AAK1: variants seen among roughly 807,000 people sequenced by gnomAD.
AAK1 encodes AP2 associated kinase 1.
A neutral mutation model predicts 116.0 loss-of-function variants in AAK1; 37 were observed. The ratio of observed to expected loss-of-function variants is 0.32; its 90% CI spans 0.25 to 0.42. AAK1 has a LOEUF of 0.42. AAK1 is among the 10% of genes least tolerant of loss of function. The pLI, the probability that AAK1 is intolerant of heterozygous loss-of-function variation, is 1.00. For missense variants in AAK1, 919 were observed against 1,170.6 expected, an observed-to-expected ratio of 0.79 and a Z score of 3.14; for synonymous variants, 458 against 439.9, an observed-to-expected ratio of 1.04 and a Z score of -0.51.
chr2:69,546,688 C>G lies in AAK1; in HGVS notation c.283-2144G>C, dbSNP rs574006839. ...TATGGTTTGAAGGCTTGTGTCCCCT[C>G]CAAAATTCATGTTAAAACTTAAATC... is the stretch of plus-strand genomic sequence containing the variant. On this transcript the variant is annotated intron_variant, in intron 3 of 21. Coordinates refer to ENST00000409085, the MANE Select transcript of AAK1 (RefSeq NM_014911.5). 1.6e-4 allele frequency among the ~76,000 whole-genome samples: 24 copies of G among 152,286 alleles called. No individual in the cohort carries two copies. The South Asian group carries it at 4.8e-3, about 30-fold the overall frequency.
rs1260795826 is a variant in AAK1 at position 69,472,031 on chromosome 2, A to G, written c.*3838T>C. On this transcript the variant is annotated 3_prime_UTR_variant, in exon 22 of 22. Coordinates refer to ENST00000409085, the MANE Select transcript of AAK1 (RefSeq NM_014911.5). The stretch of plus-strand genomic sequence containing the variant: ...AGTCCAATATCAAATAACACTGAAC[A>G]AAGTGACAACTTCTTTCAGAGGTGT... 6.1e-6 allele frequency: 6 copies of G among 985,274 alleles called. No individual in the cohort carries two copies. The highest frequency in any genetic ancestry group is 7.2e-6 in the Non-Finnish European group (6 of 829,888). The allele number at this position is 985,274 out of a possible 1,614,324, so 61.0% of individuals were successfully genotyped here. A position where few individuals can be genotyped will look rare whatever the true frequency, so the allele number is the denominator to read the frequency against.
intron 2 of AAK1, among the ~76,000 whole-genome samples, chr2:69,611,888 C>T (rs1440769993): frequency 1.3e-5 from 2 of 152,144 alleles, no homozygotes; most frequent in East Asian, 3.8e-4. Flanking sequence ...GTGAAATAAG[C>T]CACTCACAAA....
intron 1 of AAK1, 62 bp downstream of exon 1, chr2:69,643,513 T>C: frequency 8.2e-7 from 1 of 1,223,946 alleles, no homozygotes; most frequent in Non-Finnish European, 1.0e-6. Flanking sequence ...TCCCGGGCAC[T>C]GCCTCCCGCT....
At chr2:69,496,467 T>C (rs996010470) in intron 16 of AAK1, among the ~76,000 whole-genome samples, 2 of 152,118 alleles carry the variant, frequency 1.3e-5, no homozygotes, top group African/African-American at 4.8e-5. Flanking sequence ...TTTCACCATG[T>C]TGGTCAGGCT....
rs571323161 is a variant in AAK1 at position 69,607,817 on chromosome 2, G to A, written c.163+35061C>T. On this transcript the variant is annotated intron_variant, in intron 2 of 21. Coordinates refer to ENST00000409085, the MANE Select transcript of AAK1 (RefSeq NM_014911.5). Reference sequence around the variant, plus strand: ...TAGCCATGACCACTCAGCTTGCTGTGAACAGACATATGTGCTACAGCAGGG... The same window carrying A: ...TAGCCATGACCACTCAGCTTGCTGTAAACAGACATATGTGCTACAGCAGGG... 2.0e-5 allele frequency among the ~76,000 whole-genome samples: 3 copies of A among 152,290 alleles called. No homozygotes were observed. The East Asian group carries it at 5.8e-4, about 29-fold the overall frequency.
chr2:69,568,839 C>T (rs1031495456), intron 2 of AAK1, among the ~76,000 whole-genome samples: 2 of 152,318 alleles, frequency 1.3e-5, no homozygotes, highest in African/African-American at 4.8e-5. Flanking sequence ...AGCCTTTCCT[C>T]TGACATTCAG....
At chr2:69,555,820 CTTATGTATAA>C (rs1374829016) in intron 3 of AAK1, among the ~76,000 whole-genome samples, 1 of 151,502 alleles carries the variant, frequency 6.6e-6, no homozygotes, top group Non-Finnish European at 1.5e-5. Context: ...TTCAAAGTTT[CTTATGTATAA>C]TTATGTATAA....
intron 2 of AAK1, among the ~76,000 whole-genome samples, chr2:69,600,417 T>C (rs1346977620): frequency 1.3e-5 from 2 of 152,028 alleles, no homozygotes; most frequent in African/African-American, 4.8e-5. Context: ...TGGAAGAAGC[T>C]GATTCCAACT....
chr2:69,542,200 T>C (rs1288338727), intron 5 of AAK1, among the ~76,000 whole-genome samples: 3 of 152,326 alleles, frequency 2.0e-5, no homozygotes, highest in African/African-American at 7.2e-5. Flanking sequence ...AAACCAAGCA[T>C]CATTGTTTAC....
In AAK1 at chr2:69,471,192, G is replaced by T; in HGVS notation, c.*4677C>A. The T allele has an allele frequency of 2.0e-6, 2 of 985,486 alleles. No individual in the cohort carries two copies. Among genetic ancestry groups the T allele is most frequent in the African/African-American group, 1.7e-5 (1 of 57,368 alleles). The allele number at this position is 985,486 out of a possible 1,614,324, so 61.0% of individuals were successfully genotyped here. ...AGTAAATTCAGGTCACTACATCAAA[G>T]TGTGAACCAAGAACGTGTCTTTAAT... On this transcript the variant is annotated 3_prime_UTR_variant, in exon 22 of 22. Coordinates refer to ENST00000409085, the MANE Select transcript of AAK1 (RefSeq NM_014911.5).
chr2:69,614,519 G>T (rs1347277783), intron 2 of AAK1, among the ~76,000 whole-genome samples: 1 of 152,156 alleles, frequency 6.6e-6, no homozygotes, highest in South Asian at 2.1e-4. Flanking sequence ...CACTCTCCAC[G>T]GCATTTTGCT....
chr2:69,603,378 G>C (rs1180514836), intron 2 of AAK1, among the ~76,000 whole-genome samples: 1 of 151,826 alleles, frequency 6.6e-6, no homozygotes. Flanking sequence ...AAACAGAGGA[G>C]AGAGAGAGAG....
At chr2:69,490,711 G>C (rs1310409955) in intron 17 of AAK1, among the ~76,000 whole-genome samples, 2 of 151,972 alleles carry the variant, frequency 1.3e-5, no homozygotes, top group African/African-American at 4.8e-5. Flanking sequence ...AGTTTCACAA[G>C]TTGAAAAAAG....
At chr2:69,636,340 A>G (rs944224111) in intron 2 of AAK1, among the ~76,000 whole-genome samples, 3 of 152,250 alleles carry the variant, frequency 2.0e-5, no homozygotes, top group African/African-American at 7.2e-5. Context: ...TAAGTTAACC[A>G]AAATCTTGTT....
Position 69,475,103 on chromosome 2 carries a change from A to G in AAK1, c.*766T>C. The G allele has an allele frequency of 2.0e-6, 2 of 985,790 alleles. No individual in the cohort carries two copies. The highest frequency in any genetic ancestry group is 2.4e-6 in the Non-Finnish European group (2 of 829,912). 61.1% of individuals were successfully genotyped at this position (985,790 alleles called of 1,614,324 possible). On this transcript the variant is annotated 3_prime_UTR_variant, in exon 22 of 22. Coordinates refer to ENST00000409085, the MANE Select transcript of AAK1 (RefSeq NM_014911.5). ...AGGAATGGCAATACTTGGGATTTAT[A>G]TAACGTACACATTGTATCCAAGGAT...
rs771653323 is a variant in AAK1 at position 69,466,735 on chromosome 2, ACT to A, written c.*9132_*9133del. On this transcript the variant is annotated 3_prime_UTR_variant, in exon 22 of 22. Transcript: ENST00000409085. Reference sequence around the variant, plus strand: ...CACACAAACTGGAACACAATCAACCACTGTCTCACGTTTTGGAACATGATAGG... The same window carrying A: ...CACACAAACTGGAACACAATCAACCAGTCTCACGTTTTGGAACATGATAGG... 2.0e-5 allele frequency: 20 copies of A among 985,282 alleles called. No individual in the cohort carries two copies. Among genetic ancestry groups the A allele is most frequent in the Non-Finnish European group, 2.4e-5 (20 of 829,930 alleles). 61.0% of individuals were successfully genotyped at this position (985,282 alleles called of 1,614,324 possible). A position where few individuals can be genotyped will look rare whatever the true frequency, so the allele number is the denominator to read the frequency against.
chr2:69,592,397 T>G (rs571531836), intron 2 of AAK1, among the ~76,000 whole-genome samples: 2 of 152,290 alleles, frequency 1.3e-5, no homozygotes, highest in Non-Finnish European at 2.9e-5. Context: ...GGTCAAGGGA[T>G]GCCAACATCC....
At chr2:69,579,740 C>T (rs547669195) in intron 2 of AAK1, among the ~76,000 whole-genome samples, 20 of 152,170 alleles carry the variant, frequency 1.3e-4, no homozygotes, top group Non-Finnish European at 2.8e-4. Flanking sequence ...GTTTCCTCAG[C>T]GTTCAGTCCT....
chr2:69,465,959 C>G lies in AAK1; in HGVS notation c.*9910G>C. The G allele has an allele frequency of 1.5e-6, 2 of 1,290,882 alleles. No individual in the cohort carries two copies. The highest frequency in any genetic ancestry group is 2.0e-6 in the Non-Finnish European group (2 of 988,866). 80.0% of individuals were successfully genotyped at this position (1,290,882 alleles called of 1,614,324 possible). A position where few individuals can be genotyped will look rare whatever the true frequency, so the allele number is the denominator to read the frequency against. ...GGGAGGTGCATTGGATAACTGTTAA[C>G]TCCTCCATGCTTTTCTTCTTAGTGA... On this transcript the variant is annotated 3_prime_UTR_variant, in exon 22 of 22. Coordinates refer to ENST00000409085, the MANE Select transcript of AAK1 (RefSeq NM_014911.5).
Sources: gnomAD v4.1 joint callset for allele counts (sites outside exome capture counted in the v4.1 genomes callset) on GRCh38, gnomAD v4.1.1 for gene constraint, MANE v1.5 for transcripts, NCBI Gene and HGNC (gene_info 2026-07-23, HGNC 2026-07-21) for gene names.